DSCAML1: variants seen among roughly 807,000 people sequenced by gnomAD.
The protein encoded by DSCAML1 is cell adhesion molecule DSCAML1.
In DSCAML1, 38 loss-of-function variants were observed where a neutral mutation model predicts 200.5. The observed-to-expected ratio is 0.19, with a 90% CI of 0.15 to 0.25. The LOEUF (loss-of-function observed/expected upper bound fraction) is 0.25, where lower values mean the gene tolerates loss of function less well. DSCAML1 is among the 10% of genes least tolerant of loss of function. The pLI, the probability that DSCAML1 is intolerant of heterozygous loss-of-function variation, is 1.00. For missense variants in DSCAML1, 2,223 were observed against 2,858.8 expected (o/e 0.78, Z 5.07); for synonymous variants, 1,215 against 1,165.0 (o/e 1.04, Z -0.87).
At position 117,499,535 on chromosome 11, in the gene DSCAML1, C is replaced by T. The variant is rs145929376; in HGVS notation, c.2359+4310G>A. Among the ~76,000 whole-genome samples, 991 of 152,330 alleles carry T rather than the reference C, an allele frequency of 6.5e-3. 7 individuals carry two copies. Among genetic ancestry groups the T allele is most frequent in the South Asian group, 0.031 (151 of 4,826 alleles). Reference sequence around the variant, plus strand: ...CTCTGTGATCCTTCTACCAAACCATCAGTCCGTAGAAGCAGGTTCTGGCCT... The same window carrying T: ...CTCTGTGATCCTTCTACCAAACCATTAGTCCGTAGAAGCAGGTTCTGGCCT... On this transcript the variant is annotated intron_variant, in intron 11 of 32. Coordinates refer to ENST00000651296, the MANE Select transcript of DSCAML1 (RefSeq NM_020693.4).
intron 3 of DSCAML1, among the ~76,000 whole-genome samples, chr11:117,732,042 C>T (rs2054230263): frequency 6.6e-6 from 1 of 152,114 alleles, no homozygotes; most frequent in African/African-American, 2.4e-5. Flanking sequence ...CCCTACTGTC[C>T]TCCAGGAGTC....
At chr11:117,574,405 G>T (rs1251570295) in intron 3 of DSCAML1, among the ~76,000 whole-genome samples, 1 of 152,180 alleles carries the variant, frequency 6.6e-6, no homozygotes, top group Admixed American at 6.5e-5. Flanking sequence ...TGGTATTAAT[G>T]GGGAGCTGAG....
At chr11:117,751,302 A>C (rs948101) in intron 3 of DSCAML1, among the ~76,000 whole-genome samples, 151,904 of 151,992 alleles carry the variant, frequency 1, 75,908 homozygotes, top group Middle Eastern at 1. Flanking sequence ...TCTGCTGCAT[A>C]TGCTCCCTTA....
At chr11:117,632,930 C>T (rs957103558) in intron 3 of DSCAML1, among the ~76,000 whole-genome samples, 6 of 152,104 alleles carry the variant, frequency 3.9e-5, no homozygotes, top group Non-Finnish European at 7.4e-5. Context: ...TACCTTAAGC[C>T]TAAGTTTACA....
chr11:117,756,733 C>T (rs745530872), intron 3 of DSCAML1, among the ~76,000 whole-genome samples: 4 of 152,104 alleles, frequency 2.6e-5, no homozygotes, highest in Middle Eastern at 3.4e-3. Flanking sequence ...GTGAAAAACC[C>T]GGTTCCAGAT....
At chr11:117,751,572 G>C (rs574635322) in intron 3 of DSCAML1, among the ~76,000 whole-genome samples, 1 of 152,132 alleles carries the variant, frequency 6.6e-6, no homozygotes, top group Non-Finnish European at 1.5e-5. Context: ...GAAGGCACCA[G>C]CTCTTTGGGA....
intron 2 of DSCAML1, among the ~76,000 whole-genome samples, chr11:117,777,873 C>T (rs924713216): frequency 5.3e-5 from 8 of 152,230 alleles, no homozygotes; most frequent in African/African-American, 1.9e-4. Flanking sequence ...TTTGGCCTCT[C>T]CCAGGCCTCG....
At chr11:117,629,249 G>A (rs1177729697) in intron 3 of DSCAML1, among the ~76,000 whole-genome samples, 2 of 152,206 alleles carry the variant, frequency 1.3e-5, no homozygotes, top group Non-Finnish European at 2.9e-5. Flanking sequence ...TCTGGAGGCT[G>A]AAGCGGGGAG....
chr11:117,521,854 A>G (rs1716775151), intron 5 of DSCAML1, among the ~76,000 whole-genome samples: 1 of 152,078 alleles, frequency 6.6e-6, no homozygotes, highest in African/African-American at 2.4e-5. Context: ...CTCTAGTTGG[A>G]TCTGTGGACC....
chr11:117,675,620 A>T (rs1176025171), intron 3 of DSCAML1, among the ~76,000 whole-genome samples: 1 of 151,592 alleles, frequency 6.6e-6, no homozygotes, highest in African/African-American at 2.4e-5. Context: ...GTCTACAATT[A>T]GGCATGTGAG....
intron 1 of DSCAML1, among the ~76,000 whole-genome samples, chr11:117,793,584 A>C (rs1434030243): frequency 2.0e-5 from 3 of 152,050 alleles, no homozygotes. Flanking sequence ...GGTGCTCTGG[A>C]CAGACCTTGA....
chr11:117,445,188 AG>A (rs2048152063), intron 20 of DSCAML1, among the ~76,000 whole-genome samples: 1 of 152,184 alleles, frequency 6.6e-6, no homozygotes, highest in African/African-American at 2.4e-5. Context: ...TTATAACAGG[AG>A]GAGACATCCT....
chr11:117,453,747 T>C (rs527373367), intron 19 of DSCAML1, among the ~76,000 whole-genome samples: 316 of 101,438 alleles, frequency 3.1e-3, no homozygotes, highest in African/African-American at 0.017. Flanking sequence ...TCTTTCTTTC[T>C]TTTTTTTTTT....
At chr11:117,771,221 G>A (rs1300777232) in intron 3 of DSCAML1, among the ~76,000 whole-genome samples, 1 of 152,178 alleles carries the variant, frequency 6.6e-6, no homozygotes, top group African/African-American at 2.4e-5. Context: ...TGAACGAAAT[G>A]TAATTAATAA....
Position 117,428,792 on chromosome 11 carries a change from T to C in DSCAML1, c.5698A>G (p.Asn1900Asp). The stretch of plus-strand genomic sequence containing the variant: ...TCTGACTTGGCATACAGGGGCAGGT[T>C]GCAGTAGTCACCTGGAATCACAGAG... ...PHRANKSDYCNLPLYAKSEAF... is the reference protein window; with the variant it reads ...PHRANKSDYCDLPLYAKSEAF... The change falls in exon 33 of 33, where the codon AAC (asparagine) becomes GAC (aspartate). Residue 1900 changes from asparagine to aspartate, a missense_variant. This residue lies in a region of DSCAML1 where 280 missense variants were observed against 213.4 expected (regional missense o/e 1.31). Transcript: ENST00000651296. The C allele has an allele frequency of 6.2e-7, 1 of 1,602,720 alleles. No individual in the cohort carries two copies. The highest frequency in any genetic ancestry group is 8.5e-7 in the Non-Finnish European group (1 of 1,176,310).
intron 3 of DSCAML1, among the ~76,000 whole-genome samples, chr11:117,648,537 A>G (rs528578979): frequency 1.3e-5 from 2 of 152,378 alleles, no homozygotes; most frequent in South Asian, 4.1e-4. Context: ...TATAAGGGGA[A>G]GAGCACAGGC....
chr11:117,742,931 C>T (rs895253827), intron 3 of DSCAML1, among the ~76,000 whole-genome samples: 2 of 152,132 alleles, frequency 1.3e-5, no homozygotes, highest in Non-Finnish European at 2.9e-5. Flanking sequence ...GATGTTGTGG[C>T]CTCAGGTGGC....
At chr11:117,591,351 C>T (rs367660601) in intron 3 of DSCAML1, among the ~76,000 whole-genome samples, 2 of 152,218 alleles carry the variant, frequency 1.3e-5, no homozygotes, top group Non-Finnish European at 2.9e-5. Flanking sequence ...CCGTCCTGAG[C>T]GCCTGCCTCT....
In DSCAML1 at chr11:117,428,425, C is replaced by T. The variant is rs777321533; in HGVS notation, c.6065G>A (p.Gly2022Asp). The T allele has an allele frequency of 9.0e-6, 14 of 1,552,856 alleles. No individual in the cohort carries two copies. In the South Asian group the frequency reaches 1.2e-4, roughly 13 times the overall value. The change falls in exon 33 of 33, where the codon GGC (glycine) becomes GAC (aspartate). Residue 2022 changes from glycine (G) to aspartate (D), a missense_variant. Physicochemically the swap from Gly to Asp is moderately conservative, Grantham distance 94. Transcript: ENST00000651296. ...RAGGPHTKMG[G>D]SRDSLLEMST... ...CATCTCGAGAAGCGAGTCCCTGGAG[C>T]CCCCCATTTTGGTGTGTGGGCCCCC...
Sources: gnomAD v4.1 joint callset for allele counts (sites outside exome capture counted in the v4.1 genomes callset) on GRCh38, gnomAD v4.1.1 for gene constraint, gnomAD v4.1.1 regional missense constraint, MANE v1.5 for transcripts, NCBI Gene and HGNC (gene_info 2026-07-23, HGNC 2026-07-21) for gene names.